The following PGM5 variants were observed in gnomAD, a reference collection of about 807,000 sequenced individuals.
PGM5 encodes the protein phosphoglucomutase-like protein 5.
A neutral mutation model predicts 59.2 loss-of-function variants in PGM5; 23 were observed. That is an observed-to-expected ratio of 0.39 (90% confidence interval 0.28 to 0.55). The LOEUF (loss-of-function observed/expected upper bound fraction) is 0.55, where lower values mean the gene tolerates loss of function less well. PGM5 is among the 20% of genes least tolerant of loss of function. PGM5 has a pLI of 0.66. For synonymous variants in PGM5, 214 were observed against 286.0 expected (o/e 0.75, Z 2.54); for missense variants, 574 against 748.3 (o/e 0.77, Z 2.72).
intron 10 of PGM5, among the ~76,000 whole-genome samples, chr9:68,499,767 C>T (rs1554688481): frequency 6.6e-6 from 1 of 152,146 alleles, no homozygotes; most frequent in South Asian, 2.1e-4. Context: ...CCTTGAGGTG[C>T]CAATACAGAT....
At chr9:68,514,739 C>T (rs1463944367) in intron 10 of PGM5, among the ~76,000 whole-genome samples, 1 of 152,212 alleles carries the variant, frequency 6.6e-6, no homozygotes, top group Non-Finnish European at 1.5e-5. Context: ...CCACACCAGA[C>T]AAACCCTCTA....
chr9:68,385,735 A>G (rs1822201567), intron 3 of PGM5, among the ~76,000 whole-genome samples: 1 of 152,116 alleles, frequency 6.6e-6, no homozygotes, highest in African/African-American at 2.4e-5. Flanking sequence ...TATTTTTGGC[A>G]TCTTCACAAT....
chr9:68,365,698 A>G (rs1459191808), intron 1 of PGM5, among the ~76,000 whole-genome samples: 1 of 152,166 alleles, frequency 6.6e-6, no homozygotes, highest in Non-Finnish European at 1.5e-5. Flanking sequence ...TATAAATATA[A>G]TATTTAATTA....
chr9:68,519,897 C>CAATAACTA (rs71500323), intron 10 of PGM5, among the ~76,000 whole-genome samples: 1 of 139,792 alleles, frequency 7.2e-6, no homozygotes, highest in Non-Finnish European at 1.5e-5. Context: ...CTTGTCTTTA[C>CAATAACTA]AATAAATAAA....
At chr9:68,388,564 A>G (rs1279603213) in intron 4 of PGM5, among the ~76,000 whole-genome samples, 1 of 152,016 alleles carries the variant, frequency 6.6e-6, no homozygotes, top group African/African-American at 2.4e-5. Context: ...TTACTCGTAC[A>G]TTTTGGAGGA....
At chr9:68,502,031 G>A (rs1481418951) in intron 10 of PGM5, among the ~76,000 whole-genome samples, 1 of 152,166 alleles carries the variant, frequency 6.6e-6, no homozygotes, top group Non-Finnish European at 1.5e-5. Flanking sequence ...TGCTATTTAA[G>A]TTAATATCAA....
At chr9:68,423,119 G>A (rs144773141) in intron 6 of PGM5, among the ~76,000 whole-genome samples, 3,350 of 152,120 alleles carry the variant, frequency 0.022, 112 homozygotes, top group African/African-American at 0.074. Flanking sequence ...TTATCCACTC[G>A]TTGATTGATG....
chr9:68,525,822 C>T (rs1009591316), intron 10 of PGM5, among the ~76,000 whole-genome samples: 1 of 152,022 alleles, frequency 6.6e-6, no homozygotes, highest in Non-Finnish European at 1.5e-5. Flanking sequence ...TTTGGGAGGC[C>T]GAGGCGGGCA....
In PGM5 at chr9:68,391,522, A is replaced by G. The variant is rs1822363472; in HGVS notation, c.698-12A>G. Reference sequence around the variant, plus strand: ...CTGCAAATATTTAATATTGCTGTGTATCTATTTTTAGTTATGGGACCTTAT... The same window carrying G: ...CTGCAAATATTTAATATTGCTGTGTGTCTATTTTTAGTTATGGGACCTTAT... On this transcript the variant is annotated splice_polypyrimidine_tract_variant and intron_variant, in intron 4 of 10. Coordinates refer to ENST00000396396, the MANE Select transcript of PGM5 (RefSeq NM_021965.4). 1 of 1,612,622 alleles carries G rather than the reference A, an allele frequency of 6.2e-7. No individual in the cohort carries two copies. The highest frequency in any genetic ancestry group is 1.1e-5 in the South Asian group (1 of 91,044).
chr9:68,406,667 T>C lies in PGM5; in HGVS notation c.1043+14194T>C, dbSNP rs1368619704. 3.3e-3 allele frequency among the ~76,000 whole-genome samples: 9 copies of C among 2,688 alleles called. No individual in the cohort carries two copies. The South Asian group carries it at 0.082, about 24-fold the overall frequency. The allele number at this position is 2,688 out of a possible 152,430, so 1.8% of individuals were successfully genotyped here. The stretch of plus-strand genomic sequence containing the variant: ...TACTGAGGATTAAATTAGGTATATA[T>C]ATATATATATGTATATATATATATA... On this transcript the variant is annotated intron_variant, in intron 6 of 10. Transcript: ENST00000396396.
At chr9:68,444,677 C>T (rs1823583344) in intron 6 of PGM5, among the ~76,000 whole-genome samples, 1 of 152,196 alleles carries the variant, frequency 6.6e-6, no homozygotes. Flanking sequence ...GTGACATACA[C>T]TGGGGAGGGG....
rs1823457631 is a variant in PGM5 at position 68,437,441 on chromosome 9, ATC to A, written c.1044-27648_1044-27647del. Among the ~76,000 whole-genome samples, 1 of 152,210 alleles carries A rather than the reference ATC, an allele frequency of 6.6e-6. No individual in the cohort carries two copies. Among genetic ancestry groups the A allele is most frequent in the Non-Finnish European group, 1.5e-5 (1 of 68,032 alleles). Reference sequence around the variant, plus strand: ...GGCAACAGTCTACAAGTTGGTGAATATCTCTTTCAGATTGGTGTTGTGCTTTA... The same window carrying A: ...GGCAACAGTCTACAAGTTGGTGAATATCTTTCAGATTGGTGTTGTGCTTTA... On this transcript the variant is annotated intron_variant, in intron 6 of 10. Transcript: ENST00000396396. This position sits in a 1 kb window ranked among gnomAD's most constrained non-coding sequence, Gnocchi z 4.1.
At chr9:68,489,207 C>G (rs1205480210) in intron 9 of PGM5, among the ~76,000 whole-genome samples, 2 of 152,178 alleles carry the variant, frequency 1.3e-5, no homozygotes, top group African/African-American at 4.8e-5. Context: ...ACTCCCCCAG[C>G]TCTGATAGAA....
intron 10 of PGM5, among the ~76,000 whole-genome samples, chr9:68,504,809 T>G (rs1824630058): frequency 6.6e-6 from 1 of 152,206 alleles, no homozygotes; most frequent in Admixed American, 6.5e-5. Context: ...GTATCCCCAG[T>G]GCACCTGGTA....
chr9:68,404,711 G>A (rs1263815880), intron 6 of PGM5, among the ~76,000 whole-genome samples: 5 of 152,120 alleles, frequency 3.3e-5, no homozygotes, highest in African/African-American at 1.2e-4. Context: ...GTCCCTGATG[G>A]CATTGGTGGT....
At chr9:68,415,815 C>CTATCTATCTATA (rs1563999509) in intron 6 of PGM5, among the ~76,000 whole-genome samples, 3 of 60,290 alleles carry the variant, frequency 5.0e-5, no homozygotes, top group Non-Finnish European at 8.2e-5. Flanking sequence ...ATCTATCTAT[C>CTATCTATCTATA]TTATCTATCT....
Position 68,432,713 on chromosome 9 carries a change from C to T in PGM5, c.1044-32380C>T, listed in dbSNP as rs1823374841. Among the ~76,000 whole-genome samples the T allele has an allele frequency of 3.3e-5, 5 of 152,142 alleles. No individual in the cohort carries two copies. The South Asian group carries it at 6.2e-4, about 19-fold the overall frequency. On this transcript the variant is annotated intron_variant, in intron 6 of 10. Transcript: ENST00000396396. ...CTCTGCCTCCTGGGTTCAAGCCATT[C>T]TCCTGTCTCATCTTCCCGAGTAGCT...
intron 6 of PGM5, among the ~76,000 whole-genome samples, chr9:68,445,970 GA>G (rs1554683987): frequency 6.6e-6 from 1 of 152,184 alleles, no homozygotes; most frequent in Non-Finnish European, 1.5e-5. Flanking sequence ...AATGGTGAAG[GA>G]ATATTTTTTA....
At chr9:68,520,177 G>A (rs10868984) in intron 10 of PGM5, among the ~76,000 whole-genome samples, 8,920 of 150,584 alleles carry the variant, frequency 0.059, 445 homozygotes, top group East Asian at 0.27. Context: ...GTTAAAAGAC[G>A]GAAAAAGATA....
Sources: allele counts gnomAD v4.1 joint callset (sites outside exome capture counted in the v4.1 genomes callset), GRCh38; gene constraint gnomAD v4.1.1; non-coding constraint Gnocchi (gnomAD v3.1); transcripts MANE v1.5; gene names NCBI Gene and HGNC (gene_info 2026-07-23, HGNC 2026-07-21).